Variants in CBLB observed in about 807,000 individuals in gnomAD.
CBLB encodes E3 ubiquitin-protein ligase CBL-B.
Under a neutral mutation model 104.9 loss-of-function variants are expected in CBLB, and 31 were observed. The ratio of observed to expected loss-of-function variants is 0.30; its 90% confidence interval spans 0.22 to 0.40. CBLB has a LOEUF of 0.40. Ranked by LOEUF, CBLB falls within the 10% of genes least tolerant of loss-of-function variation. The pLI is 1.00. For missense variants in CBLB, 1,062 were observed against 1,214.6 expected (o/e 0.87, Z 1.87); for synonymous variants, 440 against 422.6 (o/e 1.04, Z -0.51).
At chr3:105,802,498 C>A (rs1018059532) in intron 3 of CBLB, among the ~76,000 whole-genome samples, 1 of 152,236 alleles carries the variant, frequency 6.6e-6, no homozygotes, top group Non-Finnish European at 1.5e-5. Context: ...AAAGATCAGA[C>A]TGGAAGTCCC....
chr3:105,760,949 G>A (rs2077561154), intron 4 of CBLB, among the ~76,000 whole-genome samples: 1 of 152,130 alleles, frequency 6.6e-6, no homozygotes, highest in Non-Finnish European at 1.5e-5. Flanking sequence ...TTAAAATAAG[G>A]AAGAATAGAA....
In CBLB at chr3:105,814,822, A is replaced by T. The variant is rs535323384; in HGVS notation, c.420-38280T>A. 2.6e-5 allele frequency among the ~76,000 whole-genome samples: 4 copies of T among 152,140 alleles called. No homozygotes were observed. The South Asian group carries it at 8.3e-4, about 32-fold the overall frequency. On this transcript the variant is annotated intron_variant, in intron 3 of 18. Transcript: ENST00000394030. The stretch of plus-strand genomic sequence containing the variant: ...TCTCTTCAATTATCCCTCATGTCCA[A>T]TGAATATGAGAAGAAAATCCATAGT...
chr3:105,732,284 T>C (rs1044420213), intron 9 of CBLB, among the ~76,000 whole-genome samples: 13 of 152,196 alleles, frequency 8.5e-5, no homozygotes, highest in Non-Finnish European at 1.9e-4. Flanking sequence ...TATCTACATT[T>C]ATTGAATGTA....
intron 3 of CBLB, among the ~76,000 whole-genome samples, chr3:105,821,349 CG>C (rs1297428640): frequency 6.6e-6 from 1 of 151,890 alleles, no homozygotes; most frequent in Non-Finnish European, 1.5e-5. Flanking sequence ...CTTTCAATGC[CG>C]AACAGTTCAA....
At chr3:105,776,375 A>C (rs371283201) in intron 4 of CBLB, 21 bp downstream of exon 4, 1 of 1,609,042 alleles carries the variant, frequency 6.2e-7, no homozygotes, top group African/African-American at 1.3e-5. Flanking sequence ...ATCCACAGCT[A>C]TAAAAATGAT....
chr3:105,731,934 C>T (rs1339331782), intron 9 of CBLB, among the ~76,000 whole-genome samples: 1 of 152,148 alleles, frequency 6.6e-6, no homozygotes, highest in Non-Finnish European at 1.5e-5. Context: ...ACTGGAGCCC[C>T]AAGAAAAATG....
intron 3 of CBLB, among the ~76,000 whole-genome samples, chr3:105,848,359 T>A (rs901510663): frequency 6.6e-6 from 1 of 152,118 alleles, no homozygotes; most frequent in Admixed American, 6.6e-5. Flanking sequence ...CAGTAGCATA[T>A]ACAATTATGT....
intron 10 of CBLB, among the ~76,000 whole-genome samples, chr3:105,706,002 G>T (rs1184665937): frequency 6.6e-6 from 1 of 151,946 alleles, no homozygotes; most frequent in Non-Finnish European, 1.5e-5. Context: ...AATTAGAATG[G>T]TGTGGTGATA....
At chr3:105,796,163 T>C (rs745655852) in intron 3 of CBLB, among the ~76,000 whole-genome samples, 93 of 152,126 alleles carry the variant, frequency 6.1e-4, no homozygotes, top group Non-Finnish European at 1.6e-4. Context: ...ACAACAAAGC[T>C]AGAGACATCA....
chr3:105,773,414 A>G (rs964359963), intron 4 of CBLB, among the ~76,000 whole-genome samples: 1 of 152,102 alleles, frequency 6.6e-6, no homozygotes, highest in Non-Finnish European at 1.5e-5. Context: ...GTAAGGGATA[A>G]AAGACTACAC....
intron 4 of CBLB, among the ~76,000 whole-genome samples, chr3:105,766,028 A>C (rs1384174876): frequency 6.6e-6 from 1 of 152,170 alleles, no homozygotes; most frequent in Non-Finnish European, 1.5e-5. Flanking sequence ...GATTCAAGGG[A>C]GGAGGTCAAA....
chr3:105,723,260 T>C (rs2073141871), intron 9 of CBLB, among the ~76,000 whole-genome samples: 1 of 152,162 alleles, frequency 6.6e-6, no homozygotes, highest in Non-Finnish European at 1.5e-5. Context: ...TTTCTGTCAA[T>C]GTATACTTAA....
At chr3:105,764,980 C>A (rs914330305) in intron 4 of CBLB, among the ~76,000 whole-genome samples, 21 of 152,284 alleles carry the variant, frequency 1.4e-4, no homozygotes, top group African/African-American at 5.1e-4. Context: ...CAGGAAGCTT[C>A]AGAAGTAAAG....
chr3:105,856,858 T>G (rs2091674793), intron 2 of CBLB, among the ~76,000 whole-genome samples: 1 of 152,110 alleles, frequency 6.6e-6, no homozygotes, highest in Non-Finnish European at 1.5e-5. Flanking sequence ...ATAATCAGAG[T>G]TCATTCTGCC....
At chr3:105,737,747 C>T (rs1178080450) in intron 7 of CBLB, among the ~76,000 whole-genome samples, 1 of 152,142 alleles carries the variant, frequency 6.6e-6, no homozygotes, top group Non-Finnish European at 1.5e-5. Flanking sequence ...CCTGTTTCTA[C>T]AGTTTCCATA....
intron 3 of CBLB, among the ~76,000 whole-genome samples, chr3:105,781,523 C>T (rs2080249958): frequency 6.7e-6 from 1 of 150,318 alleles, no homozygotes; most frequent in Admixed American, 6.7e-5. Context: ...CTAATTATAG[C>T]CATCTTGACT....
At chr3:105,857,894 C>T (rs892547513) in intron 2 of CBLB, among the ~76,000 whole-genome samples, 10 of 152,110 alleles carry the variant, frequency 6.6e-5, no homozygotes, top group African/African-American at 2.4e-4. Flanking sequence ...CAAACTGCTA[C>T]AGGAGAAAAG....
intron 3 of CBLB, among the ~76,000 whole-genome samples, chr3:105,843,600 T>TA (rs948481912): frequency 2.0e-5 from 3 of 152,120 alleles, no homozygotes; most frequent in East Asian, 1.9e-4. Context: ...GTAAGAATGT[T>TA]AAAAAAAGGT....
chr3:105,801,882 A>G (rs1029445675), intron 3 of CBLB, among the ~76,000 whole-genome samples: 1 of 152,262 alleles, frequency 6.6e-6, no homozygotes, highest in African/African-American at 2.4e-5. Flanking sequence ...TTGAGCTGTA[A>G]CCTTGGAAAA....
Sources: gnomAD v4.1 joint callset for allele counts (sites outside exome capture counted in the v4.1 genomes callset) on GRCh38, gnomAD v4.1.1 for gene constraint, MANE v1.5 for transcripts, NCBI Gene and HGNC (gene_info 2026-07-23, HGNC 2026-07-21) for gene names.